TOGARAM2: variants seen among roughly 807,000 people sequenced by gnomAD.
TOGARAM2 encodes TOG array regulator of axonemal microtubules 2.
A neutral mutation model predicts 93.3 loss-of-function variants in TOGARAM2; 85 were observed. The observed-to-expected ratio is 0.91, with a 90% CI of 0.76 to 1.09. The LOEUF is 1.09. Among genes scored for constraint, TOGARAM2 ranks in the 50% least tolerant of loss-of-function variants. The probability of loss-of-function intolerance (pLI) is 0.00; values close to 1 mark genes in which losing one functional copy is unlikely to be tolerated. For missense variants in TOGARAM2, 1,277 were observed against 1,334.5 expected, an observed-to-expected ratio of 0.96 and a Z score of 0.67; for synonymous variants, 593 against 552.8, an observed-to-expected ratio of 1.07 and a Z score of -1.02.
Position 29,035,490 on chromosome 2 carries a change from T to C in TOGARAM2, c.2252T>C (p.Val751Ala), listed in dbSNP as rs1666038313. The stretch of plus-strand genomic sequence containing the variant: ...CTCAGCTGCAATGGCCCAAGGCTGG[T>C]GGGGCTGCGCTCCACACTGCAGGGC... ...EGLSCNGPRL[V>A]GLRSTLQGRG... Residue 751 changes from valine to alanine, a missense_variant, in exon 17 of 20, where the codon GTG becomes GCG. Val to Ala is a moderately conservative substitution (Grantham distance 64). Transcript: ENST00000379558. 2 of 1,470,378 alleles carry C rather than the reference T, an allele frequency of 1.4e-6. 1 individual carries two copies. The highest frequency in any genetic ancestry group is 2.9e-5 in the South Asian group (2 of 68,850). 91.1% of individuals were successfully genotyped at this position (1,470,378 alleles called of 1,614,324 possible). A position where few individuals can be genotyped will look rare whatever the true frequency, so the allele number is the denominator to read the frequency against.
chr2:29,021,450 C>G (rs2148344234), intron 10 of TOGARAM2, among the ~76,000 whole-genome samples: 1 of 152,298 alleles, frequency 6.6e-6, no homozygotes, highest in East Asian at 1.9e-4. Flanking sequence ...TCTGGGACCT[C>G]AACTGTGTGA....
intron 2 of TOGARAM2, among the ~76,000 whole-genome samples, chr2:28,997,122 C>G (rs1673030754): frequency 6.6e-6 from 1 of 152,154 alleles, no homozygotes. Context: ...GGGATTCCAT[C>G]AAGTTAAAAA....
intron 13 of TOGARAM2, among the ~76,000 whole-genome samples, chr2:29,025,554 G>A (rs957219876): frequency 1.1e-4 from 16 of 152,178 alleles, no homozygotes; most frequent in Non-Finnish European, 2.1e-4. Context: ...GTCATGGCTT[G>A]TGCATCTGAG....
intron 1 of TOGARAM2, among the ~76,000 whole-genome samples, chr2:28,957,566 A>G (rs1260217626): frequency 6.6e-6 from 1 of 152,224 alleles, no homozygotes; most frequent in Non-Finnish European, 1.5e-5. Context: ...ATTTTTTAAA[A>G]TTGGGAAATT....
Position 29,017,907 on chromosome 2 carries a change from C to A in TOGARAM2, c.1311C>A (p.Pro437=). ...LRKWASRASL[P]SIPISRQEPR... ...AGTGGGCCAGCCGGGCCTCCCTGCC[C>A]AGCATCCCCATCAGCCGGCAGGAGC... The change falls in exon 10 of 20, where the codon CCC becomes CCA. Residue 437 remains proline (P), a synonymous_variant. Coordinates refer to ENST00000379558, the MANE Select transcript of TOGARAM2 (RefSeq NM_199280.4). 1 of 1,612,004 alleles carries A rather than the reference C, an allele frequency of 6.2e-7. No individual in the cohort carries two copies. The highest frequency in any genetic ancestry group is 8.5e-7 in the Non-Finnish European group (1 of 1,179,200).
intron 1 of TOGARAM2, among the ~76,000 whole-genome samples, chr2:28,967,794 T>C (rs909522764): frequency 1.6e-5 from 2 of 128,942 alleles, no homozygotes; most frequent in Admixed American, 1.8e-4. Flanking sequence ...TGAAATAAGA[T>C]GGTCTTTTTT....
intron 10 of TOGARAM2, among the ~76,000 whole-genome samples, chr2:29,020,900 G>A (rs1455091554): frequency 2.0e-5 from 3 of 152,044 alleles, no homozygotes; most frequent in Admixed American, 6.6e-5. Context: ...TTGTGTCTCC[G>A]CTTTTTTTGT....
intron 6 of TOGARAM2, among the ~76,000 whole-genome samples, chr2:29,004,699 AGTGT>A (rs767638103): frequency 1.5e-4 from 23 of 151,302 alleles, no homozygotes; most frequent in Non-Finnish European, 2.4e-4. Flanking sequence ...TGAGTACAAG[AGTGT>A]GTGTGTCTGA....
chr2:28,961,733 C>T (rs994238507), intron 1 of TOGARAM2, among the ~76,000 whole-genome samples: 5 of 152,194 alleles, frequency 3.3e-5, no homozygotes, highest in African/African-American at 1.2e-4. Context: ...CAACACAATC[C>T]AGATACAGAA....
At position 29,052,203 on chromosome 2, in the gene TOGARAM2, G is replaced by T; in HGVS notation, c.*110G>T. On this transcript the variant is annotated 3_prime_UTR_variant, in exon 20 of 20. Transcript: ENST00000379558. Reference sequence around the variant, plus strand: ...GATGTACATGGTATATTTTGAAGTAGAAATAAAAGAATTACTTATTTTTCT... The same window carrying T: ...GATGTACATGGTATATTTTGAAGTATAAATAAAAGAATTACTTATTTTTCT... The T allele has an allele frequency of 1.1e-6, 1 of 870,604 alleles. No individual in the cohort carries two copies. The highest frequency in any genetic ancestry group is 1.6e-6 in the Non-Finnish European group (1 of 614,300). 53.9% of individuals were successfully genotyped at this position (870,604 alleles called of 1,614,324 possible).
rs143457648 is a variant in TOGARAM2, at chr2:28,981,547, C to G, written c.-111+9C>G. 4 of 152,408 alleles carry G rather than the reference C, an allele frequency of 2.6e-5. No individual in the cohort carries two copies. The highest frequency in any genetic ancestry group is 9.6e-5 in the African/African-American group (4 of 41,460). The allele number at this position is 152,408 out of a possible 1,614,324, so 9.4% of individuals were successfully genotyped here. On this transcript the variant is annotated intron_variant, in intron 1 of 19. Coordinates refer to ENST00000379558, the MANE Select transcript of TOGARAM2 (RefSeq NM_199280.4). ...GGCCTCTGGACAGAGAGGTGAGAGA[C>G]GATAGGTCCACCAAGCCATCTATTG... is the stretch of plus-strand genomic sequence containing the variant.
At chr2:28,984,810 T>C (rs1187237058) in intron 1 of TOGARAM2, among the ~76,000 whole-genome samples, 1 of 152,160 alleles carries the variant, frequency 6.6e-6, no homozygotes, top group Non-Finnish European at 1.5e-5. Flanking sequence ...ATCCTACCCC[T>C]CCCAAAACCT....
intron 1 of TOGARAM2, among the ~76,000 whole-genome samples, chr2:28,994,014 G>A (rs1324466783): frequency 1.3e-5 from 2 of 152,218 alleles, no homozygotes; most frequent in Admixed American, 1.3e-4. Context: ...AGGGGAAAAC[G>A]GGTCACCATT....
intron 1 of TOGARAM2, among the ~76,000 whole-genome samples, chr2:28,987,541 G>A (rs750850371): frequency 3.3e-5 from 5 of 152,082 alleles, no homozygotes; most frequent in Admixed American, 6.5e-5. Context: ...CGCCCACCTC[G>A]GCCTCTCAAA....
At position 29,036,581 on chromosome 2, in the gene TOGARAM2, A is replaced by G. The variant is rs1310827372; in HGVS notation, c.2459A>G (p.Lys820Arg). The G allele has an allele frequency of 6.2e-7, 1 of 1,614,012 alleles. No homozygotes were observed. The highest frequency in any genetic ancestry group is 1.3e-5 in the African/African-American group (1 of 75,048). ...ACCCCAAGGCTTCAGGATTCCAACA[A>G]GAAAGTGAACCAGTGGGCGCTGGAG... ...AFTPRLQDSN[K>R]KVNQWALESF... Residue 820 changes from lysine to arginine, a missense_variant, in exon 18 of 20, where the codon AAG becomes AGG. Coordinates refer to ENST00000379558, the MANE Select transcript of TOGARAM2 (RefSeq NM_199280.4).
At chr2:28,968,504 T>C (rs1378204353) in intron 1 of TOGARAM2, among the ~76,000 whole-genome samples, 1 of 152,028 alleles carries the variant, frequency 6.6e-6, no homozygotes, top group Non-Finnish European at 1.5e-5. Context: ...ATCTTGGTCC[T>C]TTACACCTTT....
chr2:29,037,505 G>A (rs968970467), intron 18 of TOGARAM2, among the ~76,000 whole-genome samples: 2 of 152,120 alleles, frequency 1.3e-5, no homozygotes, highest in African/African-American at 2.4e-5. Flanking sequence ...ATAGAGCAAC[G>A]TCTTGCCTTT....
At chr2:29,042,914 A>G (rs1666520316) in intron 18 of TOGARAM2, among the ~76,000 whole-genome samples, 1 of 152,234 alleles carries the variant, frequency 6.6e-6, no homozygotes, top group Non-Finnish European at 1.5e-5. Context: ...GTGGAGTTAT[A>G]CGTCTGTGCT....
intron 12 of TOGARAM2, among the ~76,000 whole-genome samples, chr2:29,023,891 GTGCTT>G: frequency 6.6e-6 from 1 of 152,246 alleles, no homozygotes. Flanking sequence ...CTTTGTAAAA[GTGCTT>G]TGAAGACAGA....
Sources: gnomAD v4.1 joint callset for allele counts (sites outside exome capture counted in the v4.1 genomes callset) on GRCh38, gnomAD v4.1.1 for gene constraint, MANE v1.5 for transcripts, NCBI Gene and HGNC (gene_info 2026-07-23, HGNC 2026-07-21) for gene names.